Variants in VEPH1 observed in about 807,000 individuals in gnomAD.
VEPH1 encodes ventricular zone-expressed PH domain-containing protein homolog 1.
VEPH1 carries 80 observed loss-of-function variants against 85.2 expected under a neutral mutation model. The observed-to-expected ratio is 0.94, with a 90% CI of 0.78 to 1.13. VEPH1 has a LOEUF of 1.13. VEPH1 is among the 50% of genes most tolerant of loss of function. VEPH1 has a pLI of 0.00. For missense variants in VEPH1, 955 were observed against 980.5 expected (o/e 0.97, Z 0.35); for synonymous variants, 297 against 348.0 (o/e 0.85, Z 1.63).
chr3:157,406,837 C>T (rs751581035), intron 6 of VEPH1, among the ~76,000 whole-genome samples: 6 of 152,040 alleles, frequency 3.9e-5, no homozygotes, highest in Non-Finnish European at 8.8e-5. Context: ...AGAGGAGGGG[C>T]ATGGTAATGA....
At chr3:157,294,547 C>T (rs780562053) in intron 11 of VEPH1, among the ~76,000 whole-genome samples, 28 of 152,236 alleles carry the variant, frequency 1.8e-4, no homozygotes, top group Non-Finnish European at 3.2e-4. Flanking sequence ...AACATTTCAC[C>T]TAACCATTTC....
intron 4 of VEPH1, among the ~76,000 whole-genome samples, chr3:157,437,341 T>G (rs755356519): frequency 6.6e-6 from 1 of 152,188 alleles, no homozygotes; most frequent in Non-Finnish European, 1.5e-5. Flanking sequence ...GAATGAATGA[T>G]TTCTGTCGTT....
intron 2 of VEPH1, among the ~76,000 whole-genome samples, chr3:157,492,887 G>A (rs1328926489): frequency 6.6e-6 from 1 of 152,190 alleles, no homozygotes; most frequent in Non-Finnish European, 1.5e-5. Context: ...AAAAGGAGCA[G>A]TGATCAAGGC....
chr3:157,267,102 C>CTTTTTTTTTTTTTTTTTTTTTT (rs10537483), intron 12 of VEPH1, among the ~76,000 whole-genome samples: 4 of 124,676 alleles, frequency 3.2e-5, no homozygotes, highest in Non-Finnish European at 3.3e-5. Context: ...TCTTTTTTTT[C>CTTTTTTTTTTTTTTTTTTTTTT]TTTTTTTTTT....
chr3:157,286,605 C>T lies in VEPH1; in HGVS notation c.2080G>A (p.Ala694Thr). The T allele has an allele frequency of 6.2e-7, 1 of 1,614,130 alleles. No homozygotes were observed. Among genetic ancestry groups the T allele is most frequent in the South Asian group, 1.1e-5 (1 of 91,086 alleles). The change falls in exon 12 of 14, where the codon GCA becomes ACA. Residue 694 changes from alanine to threonine, a missense_variant. Coordinates refer to ENST00000362010, the MANE Select transcript of VEPH1 (RefSeq NM_001167912.2). Reference sequence around the variant, plus strand: ...CACATGAAGCATTGCCATGCTCCTGCTGTTTCACTGAAGCCAAACACGTCA... The same window carrying T: ...CACATGAAGCATTGCCATGCTCCTGTTGTTTCACTGAAGCCAAACACGTCA... ...FFDVFGFSET[A>T]GAWQCFMCNN...
chr3:157,354,135 A>T (rs552129394), intron 9 of VEPH1, among the ~76,000 whole-genome samples: 1 of 152,212 alleles, frequency 6.6e-6, no homozygotes, highest in African/African-American at 2.4e-5. Context: ...GTGGTGAGGG[A>T]TGCTGACAGT....
At chr3:157,449,274 T>G (rs1817213) in intron 4 of VEPH1, among the ~76,000 whole-genome samples, 46,835 of 152,068 alleles carry the variant, frequency 0.31, 7,828 homozygotes, top group African/African-American at 0.45. Flanking sequence ...AGAATAAGGA[T>G]GTTCCCTTTT....
chr3:157,400,670 A>G (rs1202741390), intron 6 of VEPH1, among the ~76,000 whole-genome samples: 1 of 152,156 alleles, frequency 6.6e-6, no homozygotes, highest in Non-Finnish European at 1.5e-5. Flanking sequence ...GTATGTGTTT[A>G]AAAACCCAAA....
chr3:157,454,064 C>T (rs1349146826), intron 4 of VEPH1, among the ~76,000 whole-genome samples: 1 of 151,546 alleles, frequency 6.6e-6, no homozygotes, highest in African/African-American at 2.4e-5. Flanking sequence ...AGGGGTAATT[C>T]ATTTTTTTTT....
At chr3:157,314,330 CAAAAAAA>C (rs34703314) in intron 10 of VEPH1, among the ~76,000 whole-genome samples, 97 of 43,188 alleles carry the variant, frequency 2.2e-3, no homozygotes, top group East Asian at 0.01. Context: ...GAGGATCCGT[CAAAAAAA>C]AAAAAAAAAA....
At chr3:157,474,048 C>T (rs371818800) in intron 2 of VEPH1, among the ~76,000 whole-genome samples, 7 of 151,796 alleles carry the variant, frequency 4.6e-5, no homozygotes, top group African/African-American at 7.3e-5. Flanking sequence ...AATTTTTTTG[C>T]GTCAATATTT....
intron 4 of VEPH1, among the ~76,000 whole-genome samples, chr3:157,439,581 C>A (rs939429389): frequency 1.3e-5 from 2 of 152,150 alleles, no homozygotes; most frequent in Non-Finnish European, 2.9e-5. Context: ...CCAAAAATAG[C>A]CAACATGCGG....
intron 7 of VEPH1, among the ~76,000 whole-genome samples, chr3:157,369,006 C>T (rs60281204): frequency 6.6e-6 from 1 of 151,600 alleles, no homozygotes; most frequent in African/African-American, 2.4e-5. Context: ...TACAACCCAT[C>T]TGGTCTGGCA....
At chr3:157,283,698 G>T (rs1387811839) in intron 12 of VEPH1, among the ~76,000 whole-genome samples, 1 of 152,156 alleles carries the variant, frequency 6.6e-6, no homozygotes, top group Non-Finnish European at 1.5e-5. Flanking sequence ...TATATTTCTT[G>T]ATGTCTTTCC....
chr3:157,465,969 G>A (rs16827690), intron 3 of VEPH1, among the ~76,000 whole-genome samples: 5,793 of 152,242 alleles, frequency 0.038, 368 homozygotes, highest in African/African-American at 0.13. Context: ...GATTTGGCTT[G>A]GGAAGAGGCT....
intron 6 of VEPH1, among the ~76,000 whole-genome samples, chr3:157,406,293 G>T (rs1337881830): frequency 1.3e-5 from 2 of 152,186 alleles, no homozygotes; most frequent in Middle Eastern, 3.4e-3. Context: ...CCTTCCTCTT[G>T]TAGAACGGAC....
intron 4 of VEPH1, among the ~76,000 whole-genome samples, chr3:157,456,636 G>T (rs1296899005): frequency 6.6e-6 from 1 of 151,912 alleles, no homozygotes; most frequent in African/African-American, 2.4e-5. Context: ...GTAGTCTTTT[G>T]CCCATTGCTT....
chr3:157,344,247 T>A (rs1723938954), intron 9 of VEPH1, among the ~76,000 whole-genome samples: 1 of 152,226 alleles, frequency 6.6e-6, no homozygotes, highest in Non-Finnish European at 1.5e-5. Context: ...TGTCCCTGTT[T>A]GCAGATGACA....
At chr3:157,357,411 T>G (rs192331684) in intron 9 of VEPH1, among the ~76,000 whole-genome samples, 3 of 152,342 alleles carry the variant, frequency 2.0e-5, no homozygotes, top group East Asian at 3.9e-4. Context: ...CAGATGAATA[T>G]TCATCTCATC....
Sources: gnomAD v4.1 joint callset for allele counts (sites outside exome capture counted in the v4.1 genomes callset) on GRCh38, gnomAD v4.1.1 for gene constraint, MANE v1.5 for transcripts, NCBI Gene and HGNC (gene_info 2026-07-23, HGNC 2026-07-21) for gene names.